The following SNTG1 variants were observed in gnomAD, a reference collection of about 807,000 sequenced individuals.
SNTG1 encodes the protein gamma-1-syntrophin.
SNTG1 carries 39 observed loss-of-function variants against 74.7 expected under a neutral mutation model. The observed-to-expected ratio is 0.52, with a 90% CI of 0.40 to 0.68. The LOEUF is 0.68. Among genes scored for constraint, SNTG1 ranks in the 30% least tolerant of loss-of-function variants. The pLI, the probability that SNTG1 is intolerant of heterozygous loss-of-function variation, is 0.00. For missense variants in SNTG1, 685 were observed against 609.5 expected (o/e 1.12, Z -1.30); for synonymous variants, 254 against 217.1 (o/e 1.17, Z -1.49).
intron 2 of SNTG1, among the ~76,000 whole-genome samples, chr8:50,346,073 A>G (rs2130966739): frequency 6.6e-6 from 1 of 152,318 alleles, no homozygotes; most frequent in African/African-American, 2.4e-5. Flanking sequence ...ATGAAGCAAA[A>G]TGGTATTCCA....
chr8:50,649,157 C>T (rs1434204097), intron 13 of SNTG1, among the ~76,000 whole-genome samples: 2 of 152,116 alleles, frequency 1.3e-5, no homozygotes, highest in Admixed American at 6.6e-5. Context: ...CACATCGGCA[C>T]ATAGTTGGGA....
At chr8:50,100,274 C>T (rs1364200180) in intron 1 of SNTG1, among the ~76,000 whole-genome samples, 1 of 151,692 alleles carries the variant, frequency 6.6e-6, no homozygotes, top group Non-Finnish European at 1.5e-5. Context: ...TTGTGAAGGA[C>T]AGAGGGAGGG....
At chr8:50,446,193 C>A (rs949903871) in intron 5 of SNTG1, among the ~76,000 whole-genome samples, 4 of 152,132 alleles carry the variant, frequency 2.6e-5, no homozygotes, top group Non-Finnish European at 5.9e-5. Context: ...CCCATTTAGG[C>A]CCTGCACTAA....
intron 1 of SNTG1, among the ~76,000 whole-genome samples, chr8:50,037,246 T>G (rs1250374031): frequency 6.6e-6 from 1 of 152,222 alleles, no homozygotes; most frequent in Admixed American, 6.5e-5. Context: ...GTAGGTTATC[T>G]TAAAGGTTTT....
rs111445877 is a variant in SNTG1, at chr8:50,107,328, A to G, written c.-102-65233A>G. ...TGGAAGGAATATTGGCAACATAGAC[A>G]GATAGATATGTAGATAGATAGATAA... On this transcript the variant is annotated intron_variant, in intron 1 of 18. Transcript: ENST00000642720. Among the ~76,000 whole-genome samples, 11 of 152,308 alleles carry G rather than the reference A, an allele frequency of 7.2e-5. 1 individual carries two copies. Among genetic ancestry groups the G allele is most frequent in the African/African-American group, 2.4e-4 (10 of 41,592 alleles).
intron 1 of SNTG1, among the ~76,000 whole-genome samples, chr8:50,017,797 G>A (rs1037664339): frequency 2.6e-5 from 4 of 151,846 alleles, no homozygotes; most frequent in African/African-American, 7.2e-5. Context: ...GAGAAAGACA[G>A]AGAGAACTAA....
intron 8 of SNTG1, among the ~76,000 whole-genome samples, chr8:50,490,085 G>T (rs7009810): frequency 0.032 from 4,834 of 152,208 alleles, 257 homozygotes; most frequent in African/African-American, 0.11. Context: ...GGTTGTAGAT[G>T]TGTAGCATTA....
At chr8:50,166,785 G>T (rs1237659707) in intron 1 of SNTG1, among the ~76,000 whole-genome samples, 23 of 144,332 alleles carry the variant, frequency 1.6e-4, no homozygotes, top group African/African-American at 4.3e-4. Flanking sequence ...TATACCCAAA[G>T]GACTATAAAT....
intron 4 of SNTG1, among the ~76,000 whole-genome samples, chr8:50,406,993 G>A (rs948531648): frequency 6.6e-5 from 10 of 152,062 alleles, no homozygotes; most frequent in Non-Finnish European, 1.3e-4. Flanking sequence ...AACTCCCTTT[G>A]TCTGTTTTTT....
chr8:50,471,202 C>T (rs904260427), intron 8 of SNTG1, among the ~76,000 whole-genome samples: 3 of 151,636 alleles, frequency 2.0e-5, no homozygotes, highest in South Asian at 2.1e-4. Context: ...AGGTGTCAGC[C>T]GTGGTAGAAA....
Position 50,545,224 on chromosome 8 carries a change from T to A in SNTG1, c.681-7826T>A, listed in dbSNP as rs74980545. 8.2e-3 allele frequency among the ~76,000 whole-genome samples: 1,240 copies of A among 151,844 alleles called. 39 individuals are homozygous for A. The East Asian group carries it at 0.11, about 14-fold the overall frequency. ...ACAGTCATGTACTATTGTGCATATA[T>A]AAATTAAAACATCATGATATTTTTA... On this transcript the variant is annotated intron_variant, in intron 11 of 18. Transcript: ENST00000642720.
chr8:50,629,072 G>A (rs560208894), intron 13 of SNTG1, among the ~76,000 whole-genome samples: 2 of 152,224 alleles, frequency 1.3e-5, no homozygotes, highest in Admixed American at 1.3e-4. Flanking sequence ...AGCCTGAGGG[G>A]AAGGCAGAAA....
At chr8:50,112,016 A>G (rs1423787894) in intron 1 of SNTG1, among the ~76,000 whole-genome samples, 2 of 152,166 alleles carry the variant, frequency 1.3e-5, no homozygotes, top group Non-Finnish European at 1.5e-5. Flanking sequence ...AGAAAATTAT[A>G]TTTTATCAAA....
chr8:50,200,282 G>T (rs775736089), intron 2 of SNTG1, among the ~76,000 whole-genome samples: 2 of 152,146 alleles, frequency 1.3e-5, no homozygotes, highest in Non-Finnish European at 2.9e-5. Flanking sequence ...GCTGGAAGTG[G>T]AAGTGGGACT....
At chr8:50,754,008 T>C (rs922475998) in intron 18 of SNTG1, among the ~76,000 whole-genome samples, 2 of 151,978 alleles carry the variant, frequency 1.3e-5, no homozygotes, top group Admixed American at 6.6e-5. Context: ...ACCATACTTG[T>C]GTGTATCACC....
chr8:50,671,154 A>T (rs936733869), intron 15 of SNTG1, among the ~76,000 whole-genome samples: 5 of 151,794 alleles, frequency 3.3e-5, no homozygotes, highest in African/African-American at 4.8e-5. Flanking sequence ...ATGTCTAAAA[A>T]ACCAAAAGCA....
intron 17 of SNTG1, among the ~76,000 whole-genome samples, chr8:50,730,694 G>T (rs974861298): frequency 3.9e-5 from 6 of 152,126 alleles, no homozygotes; most frequent in Non-Finnish European, 5.9e-5. Context: ...GAAATAAAAA[G>T]AATTTTTAAT....
intron 1 of SNTG1, among the ~76,000 whole-genome samples, chr8:49,960,438 CAGAAT>C (rs1475592821): frequency 2.6e-5 from 4 of 152,026 alleles, no homozygotes; most frequent in Non-Finnish European, 4.4e-5. Context: ...GCATAATATA[CAGAAT>C]TGATTGCTAA....
At chr8:49,965,233 T>C in intron 1 of SNTG1, among the ~76,000 whole-genome samples, 1 of 152,210 alleles carries the variant, frequency 6.6e-6, no homozygotes, top group Non-Finnish European at 1.5e-5. Context: ...AATTTAGCAG[T>C]AAGGATACAG....
Sources: gnomAD v4.1 joint callset for allele counts (sites outside exome capture counted in the v4.1 genomes callset) on GRCh38, gnomAD v4.1.1 for gene constraint, MANE v1.5 for transcripts, NCBI Gene and HGNC (gene_info 2026-07-23, HGNC 2026-07-21) for gene names.